Variants in CCND2 observed in about 807,000 individuals in gnomAD.
CCND2 encodes the protein cyclin D2.
In CCND2, 6 loss-of-function variants were observed where a neutral mutation model predicts 30.2. The observed-to-expected ratio is 0.20, with a 90% confidence interval of 0.11 to 0.39. The LOEUF is 0.39. Among genes scored for constraint, CCND2 ranks in the 10% least tolerant of loss-of-function variants. The pLI is 1.00. For synonymous variants in CCND2, 150 were observed against 153.1 expected (o/e 0.98, Z 0.15); for missense variants, 235 against 373.4 (o/e 0.63, Z 3.06).
rs952880649 is a variant in CCND2, at chr12:4,299,225, T to C, written c.721-635T>C. On this transcript the variant is annotated intron_variant, in intron 4 of 4. Transcript: ENST00000261254. The surrounding 1 kb of genome is among the most constrained non-coding windows in gnomAD (Gnocchi z 5.2). Reference sequence around the variant, plus strand: ...AAATACAAAAATTAGCCAGGCGCGGTGGCGGGTGCCTGTAGTCCCAGCTAC... The same window carrying C: ...AAATACAAAAATTAGCCAGGCGCGGCGGCGGGTGCCTGTAGTCCCAGCTAC... 2.0e-5 allele frequency among the ~76,000 whole-genome samples: 3 copies of C among 152,178 alleles called. No individual in the cohort carries two copies. The highest frequency in any genetic ancestry group is 4.4e-5 in the Non-Finnish European group (3 of 68,026).
rs1050331012 is a variant in CCND2 at position 4,276,996 on chromosome 12, C to A, written c.411+776C>A. On this transcript the variant is annotated intron_variant, in intron 2 of 4. Transcript: ENST00000261254. The surrounding 1 kb of genome is among the most constrained non-coding windows in gnomAD (Gnocchi z 4.8). The stretch of plus-strand genomic sequence containing the variant: ...CCTCTTTGCACTGTTCAGAAAAGCA[C>A]CCCCTCCTTCCCGCCCCTCCCCCTC... 2.6e-5 allele frequency among the ~76,000 whole-genome samples: 4 copies of A among 152,190 alleles called. No individual in the cohort carries two copies. Among genetic ancestry groups the A allele is most frequent in the Admixed American group, 2.6e-4 (4 of 15,278 alleles).
rs1308348027 is a variant in CCND2 at position 4,299,624 on chromosome 12, CTG to C, written c.721-235_721-234del. On this transcript the variant is annotated intron_variant, in intron 4 of 4. Coordinates refer to ENST00000261254, the MANE Select transcript of CCND2 (RefSeq NM_001759.4). The surrounding 1 kb of genome is among the most constrained non-coding windows in gnomAD (Gnocchi z 5.2). Reference sequence around the variant, plus strand: ...TTCTGAATAGCTCGGCCTGGGTTGACTGAGATTCTGCGGTTCCAACAAGCTCG... The same window carrying C: ...TTCTGAATAGCTCGGCCTGGGTTGACAGATTCTGCGGTTCCAACAAGCTCG... Among the ~76,000 whole-genome samples, 1 of 152,162 alleles carries C rather than the reference CTG, an allele frequency of 6.6e-6. No homozygotes were observed. The highest frequency in any genetic ancestry group is 2.4e-5 in the African/African-American group (1 of 41,430).
In CCND2 at chr12:4,303,471, T is replaced by A. The variant is rs543294054; in HGVS notation, c.*3462T>A. ...CTAAAGGGGTTCCAAATTATCCTGG[T>A]CTTTTTCTACCTTGTTGTGTTTCTA... On this transcript the variant is annotated 3_prime_UTR_variant, in exon 5 of 5. Coordinates refer to ENST00000261254, the MANE Select transcript of CCND2 (RefSeq NM_001759.4). This position sits in a 1 kb window ranked among gnomAD's most constrained non-coding sequence, Gnocchi z 4.6. The A allele has an allele frequency of 4.3e-6, 1 of 233,684 alleles. No homozygotes were observed. The highest frequency in any genetic ancestry group is 1.8e-4 in the South Asian group (1 of 5,530). 14.5% of individuals were successfully genotyped at this position (233,684 alleles called of 1,614,324 possible). A position where few individuals can be genotyped will look rare whatever the true frequency, so the allele number is the denominator to read the frequency against.
chr12:4,288,750 C>A, intron 3 of CCND2, 92 bp from the exon 4 acceptor site: 1 of 1,315,802 alleles, frequency 7.6e-7, no homozygotes, highest in Non-Finnish European at 1.1e-6. Flanking sequence ...CGCTGACCTG[C>A]TGCCGTCCTG....
Position 4,273,814 on chromosome 12 carries a change from C to T in CCND2, c.-227C>T. On this transcript the variant is annotated 5_prime_UTR_variant, in exon 1 of 5. Transcript: ENST00000261254. This position sits in a 1 kb window ranked among gnomAD's most constrained non-coding sequence, Gnocchi z 5.9. The stretch of plus-strand genomic sequence containing the variant: ...GCGAGACCAGTTTTAAGGGGAGGAC[C>T]GGTGCGAGTGAGGCAGCCCCGAGGC... The T allele has an allele frequency of 1.7e-6, 1 of 591,072 alleles. No individual in the cohort carries two copies. Among genetic ancestry groups the T allele is most frequent in the Non-Finnish European group, 3.0e-6 (1 of 332,456 alleles). The allele number at this position is 591,072 out of a possible 1,614,324, so 36.6% of individuals were successfully genotyped here. A position where few individuals can be genotyped will look rare whatever the true frequency, so the allele number is the denominator to read the frequency against.
At chr12:4,294,048 C>A (rs1238302670) in intron 4 of CCND2, among the ~76,000 whole-genome samples, 1 of 152,166 alleles carries the variant, frequency 6.6e-6, no homozygotes, top group Non-Finnish European at 1.5e-5. Flanking sequence ...GGGTCTGGGG[C>A]TCATTCAGCC....
In CCND2 at chr12:4,299,276, C is replaced by T. The variant is rs971968914; in HGVS notation, c.721-584C>T. Among the ~76,000 whole-genome samples, 6 of 152,176 alleles carry T rather than the reference C, an allele frequency of 3.9e-5. No individual in the cohort carries two copies. Among genetic ancestry groups the T allele is most frequent in the Non-Finnish European group, 7.4e-5 (5 of 68,022 alleles). ...TTGGGAGGCTGAGGCAGGAGAATCG[C>T]TTGAACCCGGAAGGTGGAGGTTGCA... is the stretch of plus-strand genomic sequence containing the variant. On this transcript the variant is annotated intron_variant, in intron 4 of 4. Coordinates refer to ENST00000261254, the MANE Select transcript of CCND2 (RefSeq NM_001759.4). This position sits in a 1 kb window ranked among gnomAD's most constrained non-coding sequence, Gnocchi z 5.2.
rs975086377 is a variant in CCND2, at chr12:4,293,164, G to A, written c.720+4174G>A. Among the ~76,000 whole-genome samples the A allele has an allele frequency of 6.6e-5, 10 of 152,144 alleles. No individual in the cohort carries two copies. The highest frequency in any genetic ancestry group is 1.9e-4 in the East Asian group (1 of 5,198). ...CTTCAATTCTGTGTCAGGGCCTTCC[G>A]AGCCTTCTGAGTTTTCCCCAACCTT... On this transcript the variant is annotated intron_variant, in intron 4 of 4. Transcript: ENST00000261254. The surrounding 1 kb of genome is among the most constrained non-coding windows in gnomAD (Gnocchi z 4.9).
Position 4,302,215 on chromosome 12 carries a change from C to T in CCND2, c.*2206C>T, listed in dbSNP as rs190269104. ...GAGGCCATCGGGCTCCCAGTTAGAC[C>T]CTGGTATCCTCATCATGATGGAAAA... On this transcript the variant is annotated 3_prime_UTR_variant, in exon 5 of 5. Transcript: ENST00000261254. The T allele has an allele frequency of 4.9e-3, 1,138 of 232,988 alleles. 7 individuals carry two copies. The highest frequency in any genetic ancestry group is 7.1e-3 in the Admixed American group (126 of 17,786). The allele number at this position is 232,988 out of a possible 1,614,324, so 14.4% of individuals were successfully genotyped here.
chr12:4,292,723 G>A (rs1221334635), intron 4 of CCND2, among the ~76,000 whole-genome samples: 1 of 152,196 alleles, frequency 6.6e-6, no homozygotes, highest in African/African-American at 2.4e-5. Context: ...CCAATCGTAA[G>A]AGTTGCTAAA....
At chr12:4,297,871 T>C (rs773497305) in intron 4 of CCND2, 3 of 452,156 alleles carry the variant, frequency 6.6e-6, no homozygotes, top group Non-Finnish European at 1.3e-5. Flanking sequence ...TCAGCCTCGT[T>C]CAGGGTGGCA....
intron 4 of CCND2, among the ~76,000 whole-genome samples, chr12:4,297,255 G>A (rs1165821214): frequency 6.6e-6 from 1 of 152,096 alleles, no homozygotes; most frequent in African/African-American, 2.4e-5. Context: ...AACATCTACT[G>A]AAATGCAAGT....
rs1863880131 is a variant in CCND2, at chr12:4,276,819, G to A, written c.411+599G>A. On this transcript the variant is annotated intron_variant, in intron 2 of 4. Transcript: ENST00000261254. This position sits in a 1 kb window ranked among gnomAD's most constrained non-coding sequence, Gnocchi z 4.8. Reference sequence around the variant, plus strand: ...ACTGTGACCTCTGTACAACCCCAGGGATCCTGTCTTATCTCTGCTTTTCTA... The same window carrying A: ...ACTGTGACCTCTGTACAACCCCAGGAATCCTGTCTTATCTCTGCTTTTCTA... Among the ~76,000 whole-genome samples the A allele has an allele frequency of 6.6e-6, 1 of 152,170 alleles. No homozygotes were observed. Among genetic ancestry groups the A allele is most frequent in the Non-Finnish European group, 1.5e-5 (1 of 68,030 alleles).
At position 4,274,133 on chromosome 12, in the gene CCND2, C is replaced by G; in HGVS notation, c.93C>G (p.Leu31=). 1 of 1,614,098 alleles carries G rather than the reference C, an allele frequency of 6.2e-7. No homozygotes were observed. The highest frequency in any genetic ancestry group is 8.5e-7 in the Non-Finnish European group (1 of 1,179,980). ...ACGACCGCGTCCTGCAGAACCTGCTCACCATCGAGGAGCGCTACCTTCCGC... is the reference window on the plus strand; with the variant it reads ...ACGACCGCGTCCTGCAGAACCTGCTGACCATCGAGGAGCGCTACCTTCCGC... The part of the protein sequence containing the change: ...LRDDRVLQNL[L]TIEERYLPQC... Residue 31 remains leucine, a synonymous_variant, in exon 1 of 5, where the codon CTC becomes CTG. Coordinates refer to ENST00000261254, the MANE Select transcript of CCND2 (RefSeq NM_001759.4). This position sits in a 1 kb window ranked among gnomAD's most constrained non-coding sequence, Gnocchi z 7.7.
In CCND2 at chr12:4,300,841, TG is replaced by T. The variant is rs1864238168; in HGVS notation, c.*834del. 1 of 233,626 alleles carries T rather than the reference TG, an allele frequency of 4.3e-6. No individual in the cohort carries two copies. Among genetic ancestry groups the T allele is most frequent in the Non-Finnish European group, 8.5e-6 (1 of 118,074 alleles). 14.5% of individuals were successfully genotyped at this position (233,626 alleles called of 1,614,324 possible). Reference sequence around the variant, plus strand: ...TGGAGACCAAGGGTGGGATCCAGAATGGAGTCTTTTCTGTTATTGTATTTAA... The same window carrying T: ...TGGAGACCAAGGGTGGGATCCAGAATGAGTCTTTTCTGTTATTGTATTTAA... On this transcript the variant is annotated 3_prime_UTR_variant, in exon 5 of 5. Transcript: ENST00000261254.
intron 2 of CCND2, among the ~76,000 whole-genome samples, chr12:4,277,782 G>A (rs1012587479): frequency 6.6e-6 from 1 of 152,270 alleles, no homozygotes; most frequent in African/African-American, 2.4e-5. Flanking sequence ...CCAGGTGAAT[G>A]GGAGAGAGGG....
In CCND2 at chr12:4,299,701, GT is replaced by G; in HGVS notation, c.721-157del. ...CATGGACCCCACCTGGAGTAGTGAG[GT>G]TCCTTGGCACTTTAAGAACATCCCT... On this transcript the variant is annotated intron_variant, in intron 4 of 4. Transcript: ENST00000261254. The surrounding 1 kb of genome is among the most constrained non-coding windows in gnomAD (Gnocchi z 5.2). Among the ~76,000 whole-genome samples, 1 of 152,186 alleles carries G rather than the reference GT, an allele frequency of 6.6e-6. No homozygotes were observed. The highest frequency in any genetic ancestry group is 1.5e-5 in the Non-Finnish European group (1 of 68,026).
In CCND2 at chr12:4,299,878, C is replaced by G; in HGVS notation, c.739C>G (p.Gln247Glu). The change falls in exon 5 of 5, where the codon CAG becomes GAG. Residue 247 changes from glutamine (Q) to glutamate (E), a missense_variant. By Grantham distance (29) the Gln-to-Glu change is conservative. This residue lies in a region of CCND2 where 178 missense variants were observed against 322.8 expected (regional missense o/e 0.55). Coordinates refer to ENST00000261254, the MANE Select transcript of CCND2 (RefSeq NM_001759.4). This position sits in a 1 kb window ranked among gnomAD's most constrained non-coding sequence, Gnocchi z 5.2. Reference protein sequence around the residue: ...NTDVDCLKACQEQIEAVLLNS... With the variant: ...NTDVDCLKACEEQIEAVLLNS... The stretch of plus-strand genomic sequence containing the variant: ...GTTCTAGGATTGTCTCAAAGCTTGC[C>G]AGGAGCAGATTGAGGCGGTGCTCCT... 1 of 1,614,012 alleles carries G rather than the reference C, an allele frequency of 6.2e-7. No individual in the cohort carries two copies. The highest frequency in any genetic ancestry group is 8.5e-7 in the Non-Finnish European group (1 of 1,179,950).
At chr12:4,278,688 C>A in intron 2 of CCND2, 72 bp from the exon 3 acceptor site, 5 of 1,522,658 alleles carry the variant, frequency 3.3e-6, no homozygotes, top group Non-Finnish European at 4.5e-6. Flanking sequence ...TGGAGCCCAA[C>A]CCCCAGCCCC....
Sources: gnomAD v4.1 joint callset for allele counts (sites outside exome capture counted in the v4.1 genomes callset) on GRCh38, gnomAD v4.1.1 for gene constraint, gnomAD v4.1.1 regional missense constraint, Gnocchi (gnomAD v3.1) non-coding constraint, MANE v1.5 for transcripts, NCBI Gene and HGNC (gene_info 2026-07-23, HGNC 2026-07-21) for gene names.